Variants in AGPS observed in about 807,000 individuals in gnomAD.
The protein encoded by AGPS is alkylglycerone phosphate synthase, also known as alkyldihydroxyacetonephosphate synthase, peroxisomal.
Under a neutral mutation model 90.7 loss-of-function variants are expected in AGPS, and 26 were observed. That is an observed-to-expected ratio of 0.29 (90% confidence interval 0.21 to 0.40). AGPS has a LOEUF of 0.40. AGPS is among the 10% of genes least tolerant of loss of function. The pLI, the probability that AGPS is intolerant of heterozygous loss-of-function variation, is 1.00. For missense variants in AGPS, 540 were observed against 816.1 expected (o/e 0.66, Z 4.12); for synonymous variants, 294 against 285.3 (o/e 1.03, Z -0.31).
intron 8 of AGPS, among the ~76,000 whole-genome samples, chr2:177,460,643 T>G (rs950139909): frequency 3.9e-5 from 6 of 152,134 alleles, no homozygotes; most frequent in Admixed American, 1.3e-4. Flanking sequence ...TAAAAGAAAA[T>G]TGAGTAACAG....
In AGPS at chr2:177,541,689, T is replaced by G. The variant is rs1016738425; in HGVS notation, c.*3494T>G. 3 of 152,200 alleles carry G rather than the reference T, an allele frequency of 2.0e-5. No homozygotes were observed. Among genetic ancestry groups the G allele is most frequent in the African/African-American group, 7.2e-5 (3 of 41,460 alleles). The allele number at this position is 152,200 out of a possible 1,614,324, so 9.4% of individuals were successfully genotyped here. A position where few individuals can be genotyped will look rare whatever the true frequency, so the allele number is the denominator to read the frequency against. On this transcript the variant is annotated 3_prime_UTR_variant, in exon 20 of 20. Coordinates refer to ENST00000264167, the MANE Select transcript of AGPS (RefSeq NM_003659.4). Reference sequence around the variant, plus strand: ...GAAAATAACAAGTGCCCATTTAGGTTTGAAGAATCCAGAATGTTTTACCTT... The same window carrying G: ...GAAAATAACAAGTGCCCATTTAGGTGTGAAGAATCCAGAATGTTTTACCTT...
chr2:177,478,044 AGT>A (rs1687833771), intron 10 of AGPS, among the ~76,000 whole-genome samples: 1 of 152,160 alleles, frequency 6.6e-6, no homozygotes, highest in Non-Finnish European at 1.5e-5. Flanking sequence ...GTTTTCCAGC[AGT>A]GAAGTCCTCT....
intron 14 of AGPS, among the ~76,000 whole-genome samples, chr2:177,501,949 A>AT (rs1221980184): frequency 6.6e-6 from 1 of 152,150 alleles, no homozygotes. Context: ...TACAGGCATT[A>AT]TTTTGTCAGT....
intron 10 of AGPS, among the ~76,000 whole-genome samples, chr2:177,473,700 A>G (rs1427864975): frequency 6.6e-6 from 1 of 152,222 alleles, no homozygotes; most frequent in African/African-American, 2.4e-5. Context: ...CTTTTGATGC[A>G]GTGAATTTGG....
At chr2:177,513,688 G>A in intron 16 of AGPS, 131 bp from the exon 17 acceptor site, 1 of 690,862 alleles carries the variant, frequency 1.4e-6, no homozygotes. Context: ...TTCCATTCTT[G>A]AAAGGACAAC....
At chr2:177,480,225 G>A (rs1687903768) in intron 10 of AGPS, among the ~76,000 whole-genome samples, 2 of 152,100 alleles carry the variant, frequency 1.3e-5, no homozygotes, top group Admixed American at 6.5e-5. Context: ...TCCCATTACT[G>A]GGTATATACC....
intron 19 of AGPS, among the ~76,000 whole-genome samples, chr2:177,535,690 A>G (rs983693846): frequency 2.6e-5 from 4 of 152,164 alleles, no homozygotes; most frequent in African/African-American, 9.7e-5. Flanking sequence ...TGTGTTTTCT[A>G]CCTGTATATG....
intron 10 of AGPS, among the ~76,000 whole-genome samples, chr2:177,471,146 T>C (rs1328654033): frequency 4.6e-5 from 7 of 152,200 alleles, no homozygotes; most frequent in Non-Finnish European, 4.4e-5. Flanking sequence ...ATGATTGAAA[T>C]AGTAAATTTA....
chr2:177,433,820 A>G (rs531310389), intron 2 of AGPS, among the ~76,000 whole-genome samples: 4 of 151,768 alleles, frequency 2.6e-5, no homozygotes, highest in Non-Finnish European at 5.9e-5. Flanking sequence ...TCCAGTATGT[A>G]TTCTATACAT....
At chr2:177,514,643 GT>G (rs1469195094) in intron 17 of AGPS, among the ~76,000 whole-genome samples, 1 of 152,046 alleles carries the variant, frequency 6.6e-6, no homozygotes, top group East Asian at 1.9e-4. Context: ...ATGTGTGTGT[GT>G]TTTTGTTTTT....
chr2:177,538,113 C>G lies in AGPS; in HGVS notation c.1895C>G (p.Ser632Cys). 1 of 1,613,198 alleles carries G rather than the reference C, an allele frequency of 6.2e-7. No individual in the cohort carries two copies. The highest frequency in any genetic ancestry group is 8.5e-7 in the Non-Finnish European group (1 of 1,179,336). ...AAGCAATGGCTAAAGGAAAGTATCT[C>G]TGATGTCGGCTTTGGGATGCTGAAG... ...LRKQWLKESI[S>C]DVGFGMLKSV... The change falls in exon 20 of 20, where the codon TCT (serine) becomes TGT (cysteine). Residue 632 changes from serine to cysteine, a missense_variant. Physicochemically the swap from Ser to Cys is moderately radical, Grantham distance 112 (BLOSUM62 -1). Transcript: ENST00000264167.
chr2:177,442,100 T>C (rs1686623959), intron 6 of AGPS, among the ~76,000 whole-genome samples: 1 of 152,204 alleles, frequency 6.6e-6, no homozygotes, highest in South Asian at 2.1e-4. Context: ...CTTAGAACTT[T>C]TCTAATCATG....
chr2:177,456,480 G>T (rs923378787), intron 8 of AGPS, among the ~76,000 whole-genome samples: 1 of 152,086 alleles, frequency 6.6e-6, no homozygotes, highest in Non-Finnish European at 1.5e-5. Flanking sequence ...TTTTTGGCAA[G>T]AAAAAACCCA....
In AGPS at chr2:177,513,802, C is replaced by T. The variant is rs781664739; in HGVS notation, c.1608-17C>T. On this transcript the variant is annotated splice_polypyrimidine_tract_variant and intron_variant, in intron 16 of 19. Coordinates refer to ENST00000264167, the MANE Select transcript of AGPS (RefSeq NM_003659.4). ...TCACTTGAAAACTTAATATTGTATTCATTTATCTTTTTTTAGGGTGGTAGA... is the reference window on the plus strand; with the variant it reads ...TCACTTGAAAACTTAATATTGTATTTATTTATCTTTTTTTAGGGTGGTAGA... The T allele has an allele frequency of 1.6e-5, 25 of 1,577,980 alleles. No individual in the cohort carries two copies. Among genetic ancestry groups the T allele is most frequent in the Admixed American group, 6.7e-5 (4 of 59,886 alleles).
chr2:177,498,627 T>TAA (rs1559073252), intron 13 of AGPS, among the ~76,000 whole-genome samples: 87 of 117,146 alleles, frequency 7.4e-4, no homozygotes, highest in Middle Eastern at 9.1e-3. Flanking sequence ...AAATGAGAAT[T>TAA]TAAAAAAAAA....
rs547328059 is a variant in AGPS, at chr2:177,537,731, T to G, written c.1856-343T>G. Among the ~76,000 whole-genome samples, 8 of 152,206 alleles carry G rather than the reference T, an allele frequency of 5.3e-5. No individual in the cohort carries two copies. The East Asian group carries it at 1.4e-3, about 26-fold the overall frequency. ...AACTTCATTTTCTCTAAAACTTGGGTGTGTTTTGGTAGTTAAGGCAGAGGT... is the reference window on the plus strand; with the variant it reads ...AACTTCATTTTCTCTAAAACTTGGGGGTGTTTTGGTAGTTAAGGCAGAGGT... On this transcript the variant is annotated intron_variant, in intron 19 of 19. Transcript: ENST00000264167.
intron 19 of AGPS, among the ~76,000 whole-genome samples, chr2:177,537,150 A>T (rs1014892129): frequency 6.6e-6 from 1 of 152,184 alleles, no homozygotes; most frequent in Non-Finnish European, 1.5e-5. Flanking sequence ...CCATTTTGCC[A>T]CAGATAAGTT....
chr2:177,478,041 A>G (rs532769064), intron 10 of AGPS, among the ~76,000 whole-genome samples: 1 of 152,316 alleles, frequency 6.6e-6, no homozygotes, highest in South Asian at 2.1e-4. Flanking sequence ...CTGGTTTTCC[A>G]GCAGTGAAGT....
intron 15 of AGPS, 86 bp from the exon 16 acceptor site, chr2:177,507,884 T>C: frequency 1.0e-6 from 1 of 958,022 alleles, no homozygotes; most frequent in East Asian, 2.4e-5. Flanking sequence ...CATGTGATAC[T>C]AACAATGAAT....
Sources: gnomAD v4.1 joint callset for allele counts (sites outside exome capture counted in the v4.1 genomes callset) on GRCh38, gnomAD v4.1.1 for gene constraint, MANE v1.5 for transcripts, NCBI Gene and HGNC (gene_info 2026-07-23, HGNC 2026-07-21) for gene names.